HEMGN: variants seen among roughly 807,000 people sequenced by gnomAD.
The protein encoded by HEMGN is erythroid differentiation-associated gene protein.
HEMGN carries 32 observed loss-of-function variants against 45.7 expected under a neutral mutation model. That is an observed-to-expected ratio of 0.70 (90% CI 0.53 to 0.94). HEMGN has a LOEUF of 0.94. Ranked by LOEUF, HEMGN falls within the 40% of genes least tolerant of loss-of-function variation. The pLI, the probability that HEMGN is intolerant of heterozygous loss-of-function variation, is 0.00. For missense variants in HEMGN, 530 were observed against 564.2 expected (o/e 0.94, Z 0.61); for synonymous variants, 183 against 178.6 (o/e 1.02, Z -0.20).
chr9:97,938,040 TA>T lies in HEMGN; in HGVS notation c.79+17del. ...ATTCTTCTCAACAGCCACCAGCTCT[TA>T]AGGTATTTTTCATTACCTGGAGAAT... On this transcript the variant is annotated intron_variant, in intron 1 of 3. Coordinates refer to ENST00000616898, the MANE Select transcript of HEMGN (RefSeq NM_197978.3). 2 of 1,524,496 alleles carry T rather than the reference TA, an allele frequency of 1.3e-6. No individual in the cohort carries two copies. The highest frequency in any genetic ancestry group is 1.8e-6 in the Non-Finnish European group (2 of 1,101,892). 94.4% of individuals were successfully genotyped at this position (1,524,496 alleles called of 1,614,324 possible).
chr9:97,939,290 A>T (rs570486212), upstream of HEMGN, among the ~76,000 whole-genome samples: 140 of 152,340 alleles, frequency 9.2e-4, no homozygotes, highest in Non-Finnish European at 1.5e-3. Context: ...CCAGTAATCC[A>T]TATGAGGCAT....
intron 2 of HEMGN, among the ~76,000 whole-genome samples, chr9:97,932,585 C>A (rs1826975462): frequency 6.6e-6 from 1 of 152,132 alleles, no homozygotes; most frequent in Admixed American, 6.5e-5. Flanking sequence ...GCTGGTGGAT[C>A]ACGAGATCAG....
chr9:97,928,752 G>C (rs1826883402), intron 3 of HEMGN, among the ~76,000 whole-genome samples: 1 of 152,136 alleles, frequency 6.6e-6, no homozygotes, highest in South Asian at 2.1e-4. Flanking sequence ...GTAAAACTTG[G>C]CAGTAACCTA....
At position 97,930,186 on chromosome 9, in the gene HEMGN, C is replaced by T. The variant is rs367714883; in HGVS notation, c.1209G>A (p.Pro403=). Residue 403 remains proline (P), a synonymous_variant, in exon 3 of 4, where the codon CCG becomes CCA. Transcript: ENST00000616898. ...EYSPEIYQET[P]GPEDLSTETY... ...TCTCAGTAGAGAGGTCTTCAGGCCC[C>T]GGTGTTTCTTGGTATATTTCAGGTG... The T allele has an allele frequency of 2.4e-5, 38 of 1,613,792 alleles. No homozygotes were observed. The highest frequency in any genetic ancestry group is 1.1e-4 in the South Asian group (10 of 91,052).
In HEMGN at chr9:97,927,123, A is replaced by T; in HGVS notation, c.*261T>A. 3.7e-6 allele frequency: 1 copy of T among 270,526 alleles called. No individual in the cohort carries two copies. The highest frequency in any genetic ancestry group is 6.8e-6 in the Non-Finnish European group (1 of 146,000). The allele number at this position is 270,526 out of a possible 1,614,324, so 16.8% of individuals were successfully genotyped here. On this transcript the variant is annotated 3_prime_UTR_variant, in exon 4 of 4. Coordinates refer to ENST00000616898, the MANE Select transcript of HEMGN (RefSeq NM_197978.3). ...ATTATCCAGTCCTCCCCGCTTCCTT[A>T]TTTGTCTGTTCCCACCACTATCCTC... is the stretch of plus-strand genomic sequence containing the variant.
chr9:97,930,141 C>G lies in HEMGN; in HGVS notation c.1254G>C (p.Val418=). The change falls in exon 3 of 4, where the codon GTG becomes GTC. Residue 418 remains valine (V), a synonymous_variant. Coordinates refer to ENST00000616898, the MANE Select transcript of HEMGN (RefSeq NM_197978.3). ...LSTETYKNKD[V]PKECFPEPHQ... is the part of the protein sequence containing the mutation. ...GTGGTTCTGGAAAGCATTCTTTAGG[C>G]ACATCCTTATTTTTATATGTCTCAG... The G allele has an allele frequency of 3.0e-5, 49 of 1,614,174 alleles. No homozygotes were observed. The highest frequency in any genetic ancestry group is 4.0e-5 in the Non-Finnish European group (47 of 1,180,022).
chr9:97,944,507 A>G (rs1045194248), intron 1 of HEMGN, among the ~76,000 whole-genome samples: 1 of 152,156 alleles, frequency 6.6e-6, no homozygotes, highest in Non-Finnish European at 1.5e-5. Context: ...CATTGGAAGC[A>G]TTGGAAAAGC....
chr9:97,942,550 G>C (rs534085961), upstream of HEMGN, among the ~76,000 whole-genome samples: 1 of 152,218 alleles, frequency 6.6e-6, no homozygotes, highest in South Asian at 2.1e-4. Context: ...GCGTGCCAAA[G>C]TGCTAGGATT....
chr9:97,940,025 A>G (rs1185754373), upstream of HEMGN, among the ~76,000 whole-genome samples: 2 of 152,186 alleles, frequency 1.3e-5, no homozygotes, highest in African/African-American at 4.8e-5. Context: ...TTTAGTTGAT[A>G]TGTTTTAATT....
In HEMGN at chr9:97,930,996, A is replaced by G. The variant is rs1336185571; in HGVS notation, c.399T>C (p.Phe133=). ...TGTTACTTTCTTGACATATTTCAGA[A>G]AAGTGTTCCTCAGGCACAACTTTTT... ...SPQKVVPEEH[F]SEICQESNIY... The change falls in exon 3 of 4, where the codon TTT becomes TTC. Residue 133 remains phenylalanine (F), a synonymous_variant. Transcript: ENST00000616898. The G allele has an allele frequency of 5.0e-6, 8 of 1,614,214 alleles. No homozygotes were observed. Among genetic ancestry groups the G allele is most frequent in the Non-Finnish European group, 6.8e-6 (8 of 1,180,020 alleles).
Position 97,934,650 on chromosome 9 carries a change from G to A in HEMGN, c.173+1521C>T, listed in dbSNP as rs150760953. On this transcript the variant is annotated intron_variant, in intron 2 of 3. Coordinates refer to ENST00000616898, the MANE Select transcript of HEMGN (RefSeq NM_197978.3). ...ATATTTCTACTGTAAAATGATACAC[G>A]TGTTCCTAAAAAAACCTCACTTTCT... is the stretch of plus-strand genomic sequence containing the variant. 2.2e-4 allele frequency among the ~76,000 whole-genome samples: 33 copies of A among 152,186 alleles called. No individual in the cohort carries two copies. The East Asian group carries it at 4.8e-3, about 22-fold the overall frequency.
intron 2 of HEMGN, among the ~76,000 whole-genome samples, chr9:97,932,988 A>G (rs1382527856): frequency 6.6e-6 from 1 of 152,184 alleles, no homozygotes; most frequent in African/African-American, 2.4e-5. Flanking sequence ...ATTAAATCCT[A>G]AAGAAGTTGT....
intron 2 of HEMGN, among the ~76,000 whole-genome samples, chr9:97,933,788 T>C (rs775144475): frequency 8.1e-4 from 124 of 152,290 alleles, no homozygotes; most frequent in African/African-American, 2.8e-3. Flanking sequence ...TGGTGTGTTG[T>C]AGTGAGAAAA....
At chr9:97,940,658 A>G (rs1827139155), upstream of HEMGN, among the ~76,000 whole-genome samples, 1 of 152,250 alleles carries the variant, frequency 6.6e-6, no homozygotes. Flanking sequence ...TGTGTTAGGC[A>G]TTAAAGTCCA....
rs1305934499 is a variant in HEMGN, at chr9:97,936,240, C to T, written c.104G>A (p.Arg35Lys). 6.2e-7 allele frequency: 1 copy of T among 1,611,256 alleles called. No individual in the cohort carries two copies. Among genetic ancestry groups the T allele is most frequent in the Non-Finnish European group, 8.5e-7 (1 of 1,178,274 alleles). ...SPEVIGTWSL[R>K]NRELLRKRKA... ...TCTTTTTCTAAGTAGTTCTCTGTTT[C>T]TCAAACTCCAGGTTCCAATGACTTC... Residue 35 changes from arginine (R) to lysine (K), a missense_variant, in exon 2 of 4, where the codon AGA becomes AAA. Arg to Lys is a conservative substitution (Grantham distance 26, BLOSUM62 2). Coordinates refer to ENST00000616898, the MANE Select transcript of HEMGN (RefSeq NM_197978.3).
rs756598325 is a variant in HEMGN, at chr9:97,936,135, T to TA, written c.173+35dup. On this transcript the variant is annotated intron_variant, in intron 2 of 3. Coordinates refer to ENST00000616898, the MANE Select transcript of HEMGN (RefSeq NM_197978.3). The stretch of plus-strand genomic sequence containing the variant: ...CTTTATGCATAACATCCTCAATAAA[T>TA]ATATTAGTTCCCTTTCCCTTGTGAT... 2.3e-6 allele frequency: 3 copies of TA among 1,318,858 alleles called. No individual in the cohort carries two copies. The Admixed American group carries it at 5.0e-5, about 22-fold the overall frequency. 81.7% of individuals were successfully genotyped at this position (1,318,858 alleles called of 1,614,324 possible).
chr9:97,929,876 C>G (rs532628310), intron 3 of HEMGN, among the ~76,000 whole-genome samples, 159 bp downstream of exon 3: 2 of 152,280 alleles, frequency 1.3e-5, no homozygotes, highest in East Asian at 3.9e-4. Flanking sequence ...TATGCCAAGA[C>G]AGACGTTGGT....
At chr9:97,927,864 T>C (rs1826859244) in intron 3 of HEMGN, among the ~76,000 whole-genome samples, 1 of 152,046 alleles carries the variant, frequency 6.6e-6, no homozygotes, top group African/African-American at 2.4e-5. Context: ...AAATGTTGAA[T>C]GGGATAAGGA....
intron 2 of HEMGN, 117 bp downstream of exon 2, chr9:97,936,054 C>T (rs192447632): frequency 3.0e-4 from 219 of 728,372 alleles, no homozygotes; most frequent in Admixed American, 2.7e-4. Flanking sequence ...ATAACCATGT[C>T]TGATTTACAG....
Sources: gnomAD v4.1 joint callset for allele counts (sites outside exome capture counted in the v4.1 genomes callset) on GRCh38, gnomAD v4.1.1 for gene constraint, MANE v1.5 for transcripts, NCBI Gene and HGNC (gene_info 2026-07-23, HGNC 2026-07-21) for gene names.